DYNC2H1: variants seen among roughly 807,000 people sequenced by gnomAD.
The protein encoded by DYNC2H1 is dynein cytoplasmic 2 heavy chain 1, also known as cytoplasmic dynein 2 heavy chain 1.
DYNC2H1 carries 410 observed loss-of-function variants against 570.0 expected under a neutral mutation model. The observed-to-expected ratio is 0.72, with a 90% CI of 0.66 to 0.78. The LOEUF is 0.78. Ranked by LOEUF, DYNC2H1 falls within the 30% of genes least tolerant of loss-of-function variation. The probability of loss-of-function intolerance (pLI) is 0.00; values close to 1 mark genes in which losing one functional copy is unlikely to be tolerated. For missense variants in DYNC2H1, 4,865 were observed against 5,046.4 expected, an observed-to-expected ratio of 0.96 and a Z score of 1.09; for synonymous variants, 1,688 against 1,677.6, an observed-to-expected ratio of 1.01 and a Z score of -0.15.
chr11:103,182,862 C>T (rs985933234), intron 40 of DYNC2H1, among the ~76,000 whole-genome samples: 12 of 151,750 alleles, frequency 7.9e-5, no homozygotes, highest in African/African-American at 2.2e-4. Context: ...GATTTGTTTT[C>T]GTTTTCTCAA....
intron 83 of DYNC2H1, among the ~76,000 whole-genome samples, chr11:103,362,858 C>A (rs1433526811): frequency 6.6e-6 from 1 of 151,940 alleles, no homozygotes; most frequent in African/African-American, 2.4e-5. Context: ...GGTGAAACCC[C>A]CATCTCTACT....
At chr11:103,421,952 T>A (rs1443386247) in intron 84 of DYNC2H1, among the ~76,000 whole-genome samples, 1 of 146,590 alleles carries the variant, frequency 6.8e-6, no homozygotes, top group African/African-American at 2.5e-5. Flanking sequence ...GCTAGAATAA[T>A]AAAGAAGAAA....
At chr11:103,426,380 T>G (rs768380533) in intron 84 of DYNC2H1, among the ~76,000 whole-genome samples, 2 of 152,312 alleles carry the variant, frequency 1.3e-5, no homozygotes, top group Middle Eastern at 3.4e-3. Flanking sequence ...TGGATTAGGA[T>G]CTCCACAACC....
At chr11:103,112,838 A>G (rs1473880409) in intron 1 of DYNC2H1, among the ~76,000 whole-genome samples, 3 of 152,232 alleles carry the variant, frequency 2.0e-5, no homozygotes, top group Non-Finnish European at 4.4e-5. Flanking sequence ...TGACTAGTAT[A>G]GTTCTCAGCT....
At chr11:103,288,684 T>TTAA (rs1401919829) in intron 75 of DYNC2H1, among the ~76,000 whole-genome samples, 3 of 27,914 alleles carry the variant, frequency 1.1e-4, no homozygotes, top group Admixed American at 6.4e-4. Context: ...CCGTCTCTAC[T>TTAA]AAAAAAAAAA....
intron 6 of DYNC2H1, among the ~76,000 whole-genome samples, chr11:103,120,099 T>A (rs1405442522): frequency 6.6e-6 from 1 of 152,192 alleles, no homozygotes; most frequent in African/African-American, 2.4e-5. Context: ...ATTACTATAT[T>A]AAGGGTAGGC....
rs1466286664 is a variant in DYNC2H1, at chr11:103,203,134, A to G, written c.8198-529A>G. Among the ~76,000 whole-genome samples the G allele has an allele frequency of 2.0e-5, 3 of 152,210 alleles. No homozygotes were observed. The highest frequency in any genetic ancestry group is 6.5e-5 in the Admixed American group (1 of 15,278). On this transcript the variant is annotated intron_variant, in intron 50 of 88. Transcript: ENST00000375735. The surrounding 1 kb of genome is among the most constrained non-coding windows in gnomAD (Gnocchi z 4.7). ...TCAGAAATTTAAAGTCTAATTGGAG[A>G]TAAGAAGGAAGTAATTCATTATTAA...
chr11:103,210,068 C>T, intron 53 of DYNC2H1, 108 bp downstream of exon 53: 3 of 1,213,312 alleles, frequency 2.5e-6, no homozygotes, highest in Non-Finnish European at 3.2e-6. Context: ...TTGAATAATG[C>T]TAAGTGTAAC....
Position 103,326,164 on chromosome 11 carries a change from G to A in DYNC2H1, c.12039+2174G>A, listed in dbSNP as rs1419210342. On this transcript the variant is annotated intron_variant, in intron 82 of 88. Transcript: ENST00000375735. This position sits in a 1 kb window ranked among gnomAD's most constrained non-coding sequence, Gnocchi z 6.1. Reference sequence around the variant, plus strand: ...TGGCGCTTAGGAGTAGTGGCTGGTAGATAGGCTCTTACTTAGCCCTGTGGT... The same window carrying A: ...TGGCGCTTAGGAGTAGTGGCTGGTAAATAGGCTCTTACTTAGCCCTGTGGT... 6.6e-6 allele frequency among the ~76,000 whole-genome samples: 1 copy of A among 152,166 alleles called. No homozygotes were observed. The highest frequency in any genetic ancestry group is 2.4e-5 in the African/African-American group (1 of 41,446).
chr11:103,354,497 A>G (rs1386367700), intron 82 of DYNC2H1, among the ~76,000 whole-genome samples: 2 of 152,058 alleles, frequency 1.3e-5, no homozygotes, highest in African/African-American at 2.4e-5. Flanking sequence ...TATTGGGATC[A>G]TACTTCAATA....
At chr11:103,321,673 T>G (rs313405) in intron 81 of DYNC2H1, among the ~76,000 whole-genome samples, 70,706 of 151,914 alleles carry the variant, frequency 0.47, 17,726 homozygotes, top group Admixed American at 0.59. Context: ...ATATGTAAAA[T>G]GAATTTACTT....
chr11:103,143,590 C>T (rs370898475), intron 18 of DYNC2H1, among the ~76,000 whole-genome samples, 195 bp downstream of exon 18: 6 of 152,008 alleles, frequency 3.9e-5, no homozygotes, highest in Non-Finnish European at 5.9e-5. Context: ...GCTCTGCTGG[C>T]GGAGACCTAT....
chr11:103,434,056 C>T (rs377143040), intron 84 of DYNC2H1, among the ~76,000 whole-genome samples: 25 of 152,180 alleles, frequency 1.6e-4, no homozygotes, highest in African/African-American at 5.8e-4. Flanking sequence ...ACCTTCTGAG[C>T]GCTGGATTCT....
At chr11:103,259,252 A>G (rs936019032) in intron 69 of DYNC2H1, among the ~76,000 whole-genome samples, 2 of 152,202 alleles carry the variant, frequency 1.3e-5, no homozygotes, top group African/African-American at 4.8e-5. Flanking sequence ...ACTAAGGGAA[A>G]AGGACAGGTT....
chr11:103,346,617 T>C (rs1939756070), intron 82 of DYNC2H1, among the ~76,000 whole-genome samples: 1 of 147,592 alleles, frequency 6.8e-6, no homozygotes, highest in Admixed American at 7.1e-5. Context: ...AGAAATAATG[T>C]ATTTACTAAT....
At chr11:103,269,336 A>G (rs929524478) in intron 70 of DYNC2H1, among the ~76,000 whole-genome samples, 3 of 152,174 alleles carry the variant, frequency 2.0e-5, no homozygotes, top group South Asian at 2.1e-4. Context: ...ACATTTCTCA[A>G]ATTTATCACT....
intron 84 of DYNC2H1, among the ~76,000 whole-genome samples, chr11:103,420,232 C>A (rs920540303): frequency 1.3e-5 from 2 of 151,988 alleles, no homozygotes; most frequent in Admixed American, 6.6e-5. Context: ...AGGATATCAT[C>A]CAGGAGAACT....
intron 88 of DYNC2H1, among the ~76,000 whole-genome samples, chr11:103,469,808 T>A (rs555004416): frequency 1.3e-5 from 2 of 152,288 alleles, no homozygotes; most frequent in South Asian, 4.1e-4. Context: ...TACAAAAATT[T>A]GGTAAATTAT....
At chr11:103,401,608 G>A (rs1448860307) in intron 84 of DYNC2H1, among the ~76,000 whole-genome samples, 4 of 152,104 alleles carry the variant, frequency 2.6e-5, no homozygotes, top group African/African-American at 9.7e-5. Flanking sequence ...CTACCACATA[G>A]CAACTGTGTA....
Sources: gnomAD v4.1 joint callset for allele counts (sites outside exome capture counted in the v4.1 genomes callset) on GRCh38, gnomAD v4.1.1 for gene constraint, Gnocchi (gnomAD v3.1) non-coding constraint, MANE v1.5 for transcripts, NCBI Gene and HGNC (gene_info 2026-07-23, HGNC 2026-07-21) for gene names.